Variants in PKD2L2 observed in about 807,000 individuals in gnomAD.
PKD2L2 encodes polycystin-2-like protein 2.
PKD2L2 carries 67 observed loss-of-function variants against 83.9 expected under a neutral mutation model. The ratio of observed to expected loss-of-function variants is 0.80; its 90% CI spans 0.66 to 0.98. The LOEUF (loss-of-function observed/expected upper bound fraction) is 0.98, where lower values mean the gene tolerates loss of function less well. Ranked by LOEUF, PKD2L2 falls within the 50% of genes least tolerant of loss-of-function variation. The pLI, the probability that PKD2L2 is intolerant of heterozygous loss-of-function variation, is 0.00. For missense variants in PKD2L2, 632 were observed against 717.2 expected (o/e 0.88, Z 1.36); for synonymous variants, 223 against 237.8 (o/e 0.94, Z 0.57).
At chr5:137,925,961 T>C (rs757715182) in intron 12 of PKD2L2, 32 bp downstream of exon 12, 10 of 1,288,646 alleles carry the variant, frequency 7.8e-6, no homozygotes, top group Non-Finnish European at 1.1e-5. Flanking sequence ...TAAACACTAG[T>C]GGTAGCTGTA....
At chr5:137,907,085 C>G (rs1048978391) in intron 6 of PKD2L2, among the ~76,000 whole-genome samples, 1 of 152,124 alleles carries the variant, frequency 6.6e-6, no homozygotes, top group Non-Finnish European at 1.5e-5. Flanking sequence ...GATCTTTCAC[C>G]CTTATTGGCC....
chr5:137,890,628 T>C (rs748599132), intron 2 of PKD2L2, 46 bp downstream of exon 2: 1 of 814,812 alleles, frequency 1.2e-6, no homozygotes, highest in Non-Finnish European at 1.9e-6. Context: ...ACTAAGAAGT[T>C]AAAATGTGGA....
chr5:137,939,422 T>C (rs890391790), intron 14 of PKD2L2: 1 of 152,708 alleles, frequency 6.5e-6, no homozygotes, highest in African/African-American at 2.4e-5. Flanking sequence ...GGTTGGGGAA[T>C]AGCGCGGATC....
intron 8 of PKD2L2, among the ~76,000 whole-genome samples, chr5:137,916,034 T>C (rs774963625): frequency 1.5e-4 from 2 of 13,368 alleles, no homozygotes; most frequent in Non-Finnish European, 2.4e-4. Context: ...ATTTTTTTTT[T>C]CTTTTTTCTT....
chr5:137,934,433 T>C (rs913726311), intron 12 of PKD2L2, among the ~76,000 whole-genome samples: 4 of 152,318 alleles, frequency 2.6e-5, no homozygotes, highest in African/African-American at 7.2e-5. Context: ...ATTAAAAGTA[T>C]TAGTAAATGA....
chr5:137,935,690 T>C (rs1157733842), intron 12 of PKD2L2, 107 bp from the exon 13 acceptor site: 5 of 645,636 alleles, frequency 7.7e-6, no homozygotes, highest in Non-Finnish European at 1.3e-5. Context: ...ATCTGAGGGC[T>C]GGAGAGGAGA....
At chr5:137,908,196 C>A (rs1757515885) in intron 7 of PKD2L2, among the ~76,000 whole-genome samples, 2 of 152,032 alleles carry the variant, frequency 1.3e-5, no homozygotes, top group African/African-American at 4.8e-5. Context: ...GTAGTTCCAG[C>A]TACTCTGGAG....
intron 8 of PKD2L2, among the ~76,000 whole-genome samples, chr5:137,911,296 G>A (rs36120993): frequency 0.12 from 17,554 of 152,110 alleles, 1,581 homozygotes; most frequent in East Asian, 0.36. Flanking sequence ...GCATGTAGTC[G>A]GAATTTCCTT....
At chr5:137,897,308 C>T (rs1435836310) in intron 4 of PKD2L2, among the ~76,000 whole-genome samples, 2 of 151,976 alleles carry the variant, frequency 1.3e-5, no homozygotes, top group African/African-American at 4.8e-5. Context: ...TCACCCGCCT[C>T]GGCCTCCCAA....
intron 5 of PKD2L2, among the ~76,000 whole-genome samples, chr5:137,900,871 C>A (rs893525433): frequency 4.6e-5 from 7 of 152,204 alleles, no homozygotes; most frequent in African/African-American, 1.7e-4. Flanking sequence ...GGCACGGTGG[C>A]TCACGCCTAT....
intron 12 of PKD2L2, among the ~76,000 whole-genome samples, chr5:137,929,756 T>C (rs1417241566): frequency 1.1e-4 from 16 of 152,092 alleles, no homozygotes. Context: ...CTAAGGATTC[T>C]ACTAGAGGAC....
At chr5:137,912,621 T>C (rs541502093) in intron 8 of PKD2L2, among the ~76,000 whole-genome samples, 13 of 151,808 alleles carry the variant, frequency 8.6e-5, no homozygotes, top group Non-Finnish European at 1.8e-4. Context: ...CCAGCCTCTG[T>C]CTCCCAAAGT....
At chr5:137,941,897 G>A in intron 14 of PKD2L2, 1 of 1,431,234 alleles carries the variant, frequency 7.0e-7, no homozygotes, top group Non-Finnish European at 9.8e-7. Context: ...TGGTCAGTTT[G>A]TGAGTTAGAG....
chr5:137,936,739 G>A (rs1241834592), intron 14 of PKD2L2, among the ~76,000 whole-genome samples: 1 of 152,224 alleles, frequency 6.6e-6, no homozygotes, highest in Non-Finnish European at 1.5e-5. Context: ...ACAGGCGTGA[G>A]CCACCGCACC....
In PKD2L2 at chr5:137,921,760, A is replaced by G; in HGVS notation, c.1449+4A>G. On this transcript the variant is annotated splice_donor_region_variant and intron_variant, in intron 9 of 14. Coordinates refer to ENST00000508883, the MANE Select transcript of PKD2L2 (RefSeq NM_001300921.2). ...TTTTGTGTTCTTTGTCCTGCTGGTA[A>G]GAATAATACATATTCCTTTCATTTC... is the stretch of plus-strand genomic sequence containing the variant. 1.3e-6 allele frequency: 2 copies of G among 1,584,274 alleles called. No individual in the cohort carries two copies. Among genetic ancestry groups the G allele is most frequent in the Non-Finnish European group, 1.7e-6 (2 of 1,161,026 alleles).
At chr5:137,904,827 G>C (rs1757238011) in intron 5 of PKD2L2, among the ~76,000 whole-genome samples, 1 of 152,138 alleles carries the variant, frequency 6.6e-6, no homozygotes, top group Non-Finnish European at 1.5e-5. Context: ...ATTTTTTCCT[G>C]AATGGAATAT....
At chr5:137,925,253 C>G (rs553957317) in intron 11 of PKD2L2, 149 bp downstream of exon 11, 3 of 610,464 alleles carry the variant, frequency 4.9e-6, no homozygotes, top group Admixed American at 3.0e-5. Context: ...GTCTCAAACT[C>G]CTGACCTCAG....
intron 12 of PKD2L2, among the ~76,000 whole-genome samples, chr5:137,934,276 G>A (rs1760121887): frequency 6.6e-6 from 1 of 152,158 alleles, no homozygotes; most frequent in African/African-American, 2.4e-5. Flanking sequence ...AAGTGTCAAG[G>A]AAGGCTTCAC....
At chr5:137,918,861 C>G (rs1758621297) in intron 8 of PKD2L2, among the ~76,000 whole-genome samples, 1 of 143,278 alleles carries the variant, frequency 7.0e-6, no homozygotes, top group South Asian at 2.2e-4. Flanking sequence ...TTTTTTTTTC[C>G]TGATCCAGAC....
Sources: gnomAD v4.1 joint callset for allele counts (sites outside exome capture counted in the v4.1 genomes callset) on GRCh38, gnomAD v4.1.1 for gene constraint, MANE v1.5 for transcripts, NCBI Gene and HGNC (gene_info 2026-07-23, HGNC 2026-07-21) for gene names.